CFAP20DC: variants seen among roughly 807,000 people sequenced by gnomAD.
CFAP20DC encodes CFAP20 domain containing.
CFAP20DC carries 84 observed loss-of-function variants against 101.7 expected under a neutral mutation model. The ratio of observed to expected loss-of-function variants is 0.83; its 90% confidence interval spans 0.69 to 0.99. CFAP20DC has a LOEUF of 0.99. Among genes scored for constraint, CFAP20DC ranks in the 50% least tolerant of loss-of-function variants. The pLI is 0.00. For missense variants in CFAP20DC, 1,007 were observed against 970.3 expected, an observed-to-expected ratio of 1.04 and a Z score of -0.50; for synonymous variants, 359 against 351.2, an observed-to-expected ratio of 1.02 and a Z score of -0.25.
chr3:58,796,722 C>T (rs1162105794), intron 15 of CFAP20DC, among the ~76,000 whole-genome samples: 1 of 152,160 alleles, frequency 6.6e-6, no homozygotes, highest in Non-Finnish European at 1.5e-5. Context: ...TTCACAGATG[C>T]TGAATTCTCA....
At chr3:58,876,728 A>C (rs2080782889) in intron 7 of CFAP20DC, among the ~76,000 whole-genome samples, 2 of 152,194 alleles carry the variant, frequency 1.3e-5, no homozygotes, top group African/African-American at 2.4e-5. Context: ...TTAAATTTGC[A>C]CGGTTTTCAA....
At chr3:58,951,514 C>T (rs1322870501) in intron 4 of CFAP20DC, among the ~76,000 whole-genome samples, 1 of 152,132 alleles carries the variant, frequency 6.6e-6, no homozygotes, top group East Asian at 1.9e-4. Flanking sequence ...AGCCAAATGT[C>T]CAACAATGAT....
At chr3:58,774,604 G>A (rs963928367) in intron 15 of CFAP20DC, among the ~76,000 whole-genome samples, 2 of 152,214 alleles carry the variant, frequency 1.3e-5, no homozygotes, top group Non-Finnish European at 2.9e-5. Context: ...TGTCATCCTA[G>A]TTGGTGATGG....
chr3:58,828,957 A>C (rs902392372), intron 14 of CFAP20DC, among the ~76,000 whole-genome samples: 1 of 152,192 alleles, frequency 6.6e-6, no homozygotes, highest in Non-Finnish European at 1.5e-5. Context: ...TGTGGGATAA[A>C]GAAGCGGGAG....
At chr3:59,027,962 A>G (rs978698321) in intron 4 of CFAP20DC, among the ~76,000 whole-genome samples, 3 of 152,260 alleles carry the variant, frequency 2.0e-5, no homozygotes, top group Non-Finnish European at 4.4e-5. Flanking sequence ...AACTGCAACT[A>G]ATATTATGAA....
chr3:58,787,882 C>A (rs1433128409), intron 15 of CFAP20DC, among the ~76,000 whole-genome samples: 1 of 151,740 alleles, frequency 6.6e-6, no homozygotes, highest in Non-Finnish European at 1.5e-5. Context: ...CAAATTAACA[C>A]ACAAACAGGA....
chr3:58,991,467 C>G (rs79076554), intron 4 of CFAP20DC, among the ~76,000 whole-genome samples: 3 of 152,156 alleles, frequency 2.0e-5, no homozygotes, highest in African/African-American at 7.2e-5. Flanking sequence ...TACTTGACTT[C>G]GATTACCTTC....
rs1049575118 is a variant in CFAP20DC, at chr3:58,874,015, T to A, written c.716-3706A>T. Among the ~76,000 whole-genome samples the A allele has an allele frequency of 6.6e-5, 10 of 152,254 alleles. No homozygotes were observed. The highest frequency in any genetic ancestry group is 2.6e-4 in the Admixed American group (4 of 15,290). ...GTCTGGATAGCTATTCTGGATGCCG[T>A]AAGGCAGATTCAGACATCAGGTGAC... On this transcript the variant is annotated intron_variant, in intron 7 of 16. Coordinates refer to ENST00000482387, the MANE Select transcript of CFAP20DC (RefSeq NM_001394063.1). This position sits in a 1 kb window ranked among gnomAD's most constrained non-coding sequence, Gnocchi z 5.1.
chr3:59,004,339 A>T (rs1344451947), intron 4 of CFAP20DC, among the ~76,000 whole-genome samples: 2 of 152,312 alleles, frequency 1.3e-5, no homozygotes, highest in Non-Finnish European at 2.9e-5. Context: ...TTTCAACCAT[A>T]AACAAATGAG....
At chr3:59,037,597 G>A (rs1423671910) in intron 4 of CFAP20DC, among the ~76,000 whole-genome samples, 2 of 152,190 alleles carry the variant, frequency 1.3e-5, no homozygotes, top group Non-Finnish European at 2.9e-5. Context: ...TCTCATGCCA[G>A]TTAGAATGGC....
At chr3:58,917,600 G>A (rs2084875937) in intron 5 of CFAP20DC, among the ~76,000 whole-genome samples, 1 of 152,048 alleles carries the variant, frequency 6.6e-6, no homozygotes, top group Admixed American at 6.6e-5. Flanking sequence ...AGAGACCAGG[G>A]TCTTATGATG....
chr3:58,873,940 G>A (rs1382367590), intron 7 of CFAP20DC, among the ~76,000 whole-genome samples: 1 of 152,216 alleles, frequency 6.6e-6, no homozygotes, highest in Non-Finnish European at 1.5e-5. Flanking sequence ...TGTTCAAGCA[G>A]AAGTCTGGAT....
chr3:58,762,853 T>C (rs2069789192), intron 15 of CFAP20DC, among the ~76,000 whole-genome samples: 1 of 152,156 alleles, frequency 6.6e-6, no homozygotes, highest in Non-Finnish European at 1.5e-5. Context: ...TTTAATAATG[T>C]TGAATATTGG....
chr3:58,842,702 C>T (rs931431169), intron 13 of CFAP20DC, among the ~76,000 whole-genome samples: 1 of 152,250 alleles, frequency 6.6e-6, no homozygotes, highest in Non-Finnish European at 1.5e-5. Context: ...GGCTCCACCT[C>T]TGGGGGCAGG....
chr3:58,947,779 G>C (rs1339738022), intron 4 of CFAP20DC, among the ~76,000 whole-genome samples: 1 of 152,214 alleles, frequency 6.6e-6, no homozygotes, highest in Admixed American at 6.5e-5. Flanking sequence ...TGAAGCAGGA[G>C]TGAGGGAGCA....
At chr3:59,037,901 A>G (rs914849492) in intron 4 of CFAP20DC, among the ~76,000 whole-genome samples, 39 of 152,210 alleles carry the variant, frequency 2.6e-4, no homozygotes, top group Admixed American at 4.6e-4. Flanking sequence ...GATAGACTGG[A>G]TAAAGAAAAT....
At position 58,861,767 on chromosome 3, in the gene CFAP20DC, G is replaced by C; in HGVS notation, c.1593+1791C>G. On this transcript the variant is annotated intron_variant, in intron 12 of 16. Transcript: ENST00000482387. This position sits in a 1 kb window ranked among gnomAD's most constrained non-coding sequence, Gnocchi z 4.0. ...GGTGGTGAGTGCCAGTGTTGGCAAT[G>C]GGATGGTCTCACCACAGACTCTAGC... The C allele has an allele frequency of 1.0e-6, 1 of 985,446 alleles. No homozygotes were observed. The highest frequency in any genetic ancestry group is 1.2e-6 in the Non-Finnish European group (1 of 829,948). 61.0% of individuals were successfully genotyped at this position (985,446 alleles called of 1,614,324 possible).
chr3:58,808,304 C>A (rs1025133670), intron 14 of CFAP20DC, among the ~76,000 whole-genome samples: 3 of 152,270 alleles, frequency 2.0e-5, no homozygotes, highest in African/African-American at 7.2e-5. Flanking sequence ...ATGTTAAGGG[C>A]AGCCAGAGAG....
Position 58,863,672 on chromosome 3 carries a change from C to G in CFAP20DC, c.1479G>C (p.Gln493His), listed in dbSNP as rs527798921. 2 of 1,614,144 alleles carry G rather than the reference C, an allele frequency of 1.2e-6. No individual in the cohort carries two copies. The highest frequency in any genetic ancestry group is 2.7e-5 in the African/African-American group (2 of 75,036). The change falls in exon 12 of 17, where the codon CAG becomes CAC. Residue 493 changes from glutamine to histidine, a missense_variant. Physicochemically the swap from Gln to His is conservative, Grantham distance 24. Transcript: ENST00000482387. This position sits in a 1 kb window ranked among gnomAD's most constrained non-coding sequence, Gnocchi z 5.9. The part of the protein sequence containing the change: ...RPRSAPHGKT[Q>H]TMSPEELSFI... Reference sequence around the variant, plus strand: ...ATGAGAGCTCCTCTGGGGACATAGTCTGAGTCTTTCCATGAGGTGCTGATC... The same window carrying G: ...ATGAGAGCTCCTCTGGGGACATAGTGTGAGTCTTTCCATGAGGTGCTGATC...
Sources: allele counts gnomAD v4.1 joint callset (sites outside exome capture counted in the v4.1 genomes callset), GRCh38; gene constraint gnomAD v4.1.1; non-coding constraint Gnocchi (gnomAD v3.1); transcripts MANE v1.5; gene names NCBI Gene and HGNC (gene_info 2026-07-23, HGNC 2026-07-21).